BCL7B: variants seen among roughly 807,000 people sequenced by gnomAD.
BCL7B encodes BAF chromatin remodeling complex subunit BCL7B.
BCL7B carries 11 observed loss-of-function variants against 26.5 expected under a neutral mutation model. The observed-to-expected ratio is 0.42, with a 90% CI of 0.26 to 0.69. The LOEUF (loss-of-function observed/expected upper bound fraction) is 0.69, where lower values mean the gene tolerates loss of function less well. BCL7B is among the 30% of genes least tolerant of loss of function. The pLI is 0.28. For synonymous variants in BCL7B, 111 were observed against 107.9 expected, an observed-to-expected ratio of 1.03 and a Z score of -0.18; for missense variants, 215 against 264.4, an observed-to-expected ratio of 0.81 and a Z score of 1.30.
intron 2 of BCL7B, among the ~76,000 whole-genome samples, chr7:73,549,612 C>A (rs1475890553): frequency 2.0e-5 from 3 of 152,100 alleles, no homozygotes; most frequent in African/African-American, 7.2e-5. Context: ...AATTTGAGAC[C>A]TATCAGCCTA....
rs149865500 is a variant in BCL7B at position 73,538,091 on chromosome 7, T to G, written c.437-78A>C. On this transcript the variant is annotated intron_variant, in intron 4 of 5. Coordinates refer to ENST00000223368, the MANE Select transcript of BCL7B (RefSeq NM_001707.4). The stretch of plus-strand genomic sequence containing the variant: ...CTGGGGGAGCTTCCTTAGAGCTGTG[T>G]GGAGGTGGCTTGGTGAGGAGGGGAG... The G allele has an allele frequency of 3.4e-6, 3 of 885,904 alleles. No individual in the cohort carries two copies. The East Asian group carries it at 8.3e-5, about 24-fold the overall frequency. 54.9% of individuals were successfully genotyped at this position (885,904 alleles called of 1,614,324 possible).
At chr7:73,554,447 C>T (rs545795633) in intron 1 of BCL7B, among the ~76,000 whole-genome samples, 3 of 151,088 alleles carry the variant, frequency 2.0e-5, no homozygotes, top group Admixed American at 1.3e-4. Context: ...TATGAAGTCA[C>T]GAAAAAGCAA....
At chr7:73,554,031 G>C (rs1184109704) in intron 1 of BCL7B, among the ~76,000 whole-genome samples, 3 of 149,628 alleles carry the variant, frequency 2.0e-5, no homozygotes, top group Non-Finnish European at 4.4e-5. Context: ...GCAGTGGCGT[G>C]ATCACCACTC....
intron 1 of BCL7B, among the ~76,000 whole-genome samples, chr7:73,555,791 G>C (rs1792338519): frequency 6.6e-6 from 1 of 152,288 alleles, no homozygotes; most frequent in African/African-American, 2.4e-5. Flanking sequence ...GTGTTGCCCA[G>C]GCTGGAGTGC....
At chr7:73,556,335 T>C (rs1291366827) in intron 1 of BCL7B, among the ~76,000 whole-genome samples, 2 of 151,924 alleles carry the variant, frequency 1.3e-5, no homozygotes, top group African/African-American at 4.8e-5. Flanking sequence ...GGAGGTAACA[T>C]CTACTTGAAC....
chr7:73,543,146 G>A (rs1489931050), intron 3 of BCL7B, among the ~76,000 whole-genome samples: 3 of 151,580 alleles, frequency 2.0e-5, no homozygotes, highest in Admixed American at 6.6e-5. Context: ...AAATACCAGC[G>A]AAACAGCAGG....
intron 5 of BCL7B, 35 bp from the exon 6 acceptor site, chr7:73,537,425 C>A (rs782728263): frequency 6.5e-7 from 1 of 1,545,788 alleles, no homozygotes; most frequent in South Asian, 1.1e-5. Flanking sequence ...GCCAGGGCCA[C>A]CCCTCCCAAC....
At chr7:73,547,292 G>T (rs572915605) in intron 2 of BCL7B, among the ~76,000 whole-genome samples, 1 of 152,260 alleles carries the variant, frequency 6.6e-6, no homozygotes, top group Middle Eastern at 3.4e-3. Flanking sequence ...GCAAGACCCT[G>T]TCTCTACAAA....
intron 1 of BCL7B, among the ~76,000 whole-genome samples, chr7:73,555,730 G>C (rs1455008194): frequency 1.3e-5 from 2 of 152,168 alleles, no homozygotes; most frequent in Non-Finnish European, 2.9e-5. Flanking sequence ...TACTAGGGGT[G>C]CTAGGATAAG....
intron 1 of BCL7B, chr7:73,557,011 C>G: frequency 1.0e-6 from 1 of 987,648 alleles, no homozygotes; most frequent in Non-Finnish European, 1.2e-6. Flanking sequence ...GGCTTGCTCC[C>G]TTGACAGATG....
At chr7:73,550,847 C>A (rs543215694) in intron 2 of BCL7B, among the ~76,000 whole-genome samples, 2 of 151,798 alleles carry the variant, frequency 1.3e-5, no homozygotes, top group African/African-American at 4.8e-5. Context: ...TTAGTAGAGA[C>A]GGGGTTTCAC....
At chr7:73,540,829 CAA>C (rs56111929) in intron 3 of BCL7B, among the ~76,000 whole-genome samples, 1 of 50,942 alleles carries the variant, frequency 2.0e-5, no homozygotes, top group Non-Finnish European at 3.3e-5. Flanking sequence ...GACTCTGTCT[CAA>C]AAAAAAAAAA....
intron 3 of BCL7B, among the ~76,000 whole-genome samples, chr7:73,540,840 A>G (rs1202804724): frequency 2.1e-5 from 3 of 143,794 alleles, no homozygotes; most frequent in African/African-American, 7.7e-5. Flanking sequence ...AAAAAAAAAA[A>G]AAAAAAAAAA....
At chr7:73,539,114 C>T (rs563506558) in intron 4 of BCL7B, among the ~76,000 whole-genome samples, 5 of 152,240 alleles carry the variant, frequency 3.3e-5, no homozygotes, top group Admixed American at 3.3e-4. Context: ...CTTGCGCCAC[C>T]ATGCCTGGCT....
chr7:73,556,962 A>C, intron 1 of BCL7B: 1 of 988,958 alleles, frequency 1.0e-6, no homozygotes, highest in Non-Finnish European at 1.2e-6. Context: ...GGGGCCGGTT[A>C]CTGGGGGAAA....
At chr7:73,552,606 CTG>C (rs1374746672) in intron 1 of BCL7B, among the ~76,000 whole-genome samples, 4 of 151,866 alleles carry the variant, frequency 2.6e-5, no homozygotes, top group Non-Finnish European at 5.9e-5. Context: ...TGGTGAAACT[CTG>C]TCGCTACAAA....
chr7:73,550,251 C>T (rs1035351130), intron 2 of BCL7B, among the ~76,000 whole-genome samples: 1 of 152,052 alleles, frequency 6.6e-6, no homozygotes, highest in Non-Finnish European at 1.5e-5. Flanking sequence ...GGAGGGTTCT[C>T]AAAACAAGGT....
At chr7:73,556,524 T>C (rs1037394132) in intron 1 of BCL7B, among the ~76,000 whole-genome samples, 8 of 152,190 alleles carry the variant, frequency 5.3e-5, no homozygotes, top group Non-Finnish European at 1.0e-4. Flanking sequence ...ACAAAAGAGC[T>C]GACGAAGTTG....
chr7:73,543,660 AAG>A lies in BCL7B; in HGVS notation c.169-18_169-17del. On this transcript the variant is annotated splice_polypyrimidine_tract_variant and intron_variant, in intron 2 of 5. Transcript: ENST00000223368. Reference sequence around the variant, plus strand: ...ACTTTTCTTTCTAGAAAAGGAAAAAAAGAGGAATATGACAGAGCCAAGCAGGA... The same window carrying A: ...ACTTTTCTTTCTAGAAAAGGAAAAAAAGGAATATGACAGAGCCAAGCAGGA... The A allele has an allele frequency of 1.2e-6, 2 of 1,606,398 alleles. No individual in the cohort carries two copies. The highest frequency in any genetic ancestry group is 1.7e-6 in the Non-Finnish European group (2 of 1,173,916).
Sources: gnomAD v4.1 joint callset for allele counts (sites outside exome capture counted in the v4.1 genomes callset) on GRCh38, gnomAD v4.1.1 for gene constraint, MANE v1.5 for transcripts, NCBI Gene and HGNC (gene_info 2026-07-23, HGNC 2026-07-21) for gene names.